The following PTGFR variants were observed in gnomAD, a reference collection of about 807,000 sequenced individuals.
The protein encoded by PTGFR is prostaglandin F receptor.
In PTGFR, 15 loss-of-function variants were observed where a neutral mutation model predicts 26.2. The ratio of observed to expected loss-of-function variants is 0.57; its 90% confidence interval spans 0.38 to 0.88. The LOEUF (loss-of-function observed/expected upper bound fraction) is 0.88. Among genes scored for constraint, PTGFR ranks in the 40% least tolerant of loss-of-function variants. The pLI, the probability that PTGFR is intolerant of heterozygous loss-of-function variation, is 0.00. For missense variants in PTGFR, 369 were observed against 427.2 expected, an observed-to-expected ratio of 0.86 and a Z score of 1.20; for synonymous variants, 165 against 151.1, an observed-to-expected ratio of 1.09 and a Z score of -0.68.
At chr1:78,505,825 G>A (rs1649816838) in intron 2 of PTGFR, among the ~76,000 whole-genome samples, 1 of 151,486 alleles carries the variant, frequency 6.6e-6, no homozygotes, top group African/African-American at 2.4e-5. Flanking sequence ...TTAGCATAAG[G>A]TTTTCAAGGT....
chr1:78,533,479 A>G (rs1325151090), intron 2 of PTGFR, among the ~76,000 whole-genome samples: 5 of 152,164 alleles, frequency 3.3e-5, no homozygotes, highest in Non-Finnish European at 5.9e-5. Flanking sequence ...CTCTGTGTGC[A>G]TAATAAATGG....
Position 78,537,785 on chromosome 1 carries a change from A to G in PTGFR, c.*1098A>G, listed in dbSNP as rs1168064510. The G allele has an allele frequency of 6.6e-6, 1 of 152,134 alleles. No homozygotes were observed. Among genetic ancestry groups the G allele is most frequent in the Non-Finnish European group, 1.5e-5 (1 of 68,008 alleles). The allele number at this position is 152,134 out of a possible 1,614,324, so 9.4% of individuals were successfully genotyped here. A position where few individuals can be genotyped will look rare whatever the true frequency, so the allele number is the denominator to read the frequency against. Reference sequence around the variant, plus strand: ...AGAGGGGAAGACTGGCAATTTGCCAAGCACTTGGGGATTATTATAACAATT... The same window carrying G: ...AGAGGGGAAGACTGGCAATTTGCCAGGCACTTGGGGATTATTATAACAATT... On this transcript the variant is annotated 3_prime_UTR_variant, in exon 3 of 3. Transcript: ENST00000370757.
In PTGFR at chr1:78,538,583, T is replaced by G. The variant is rs1407961572; in HGVS notation, c.*1896T>G. On this transcript the variant is annotated 3_prime_UTR_variant, in exon 3 of 3. Transcript: ENST00000370757. ...CATTGTTTTAAGTTTTTCTTCTGAG[T>G]AAAACAAAATTATAGAAAACAAATG... 6.6e-6 allele frequency: 1 copy of G among 151,308 alleles called. No individual in the cohort carries two copies. The highest frequency in any genetic ancestry group is 1.5e-5 in the Non-Finnish European group (1 of 67,798). 9.4% of individuals were successfully genotyped at this position (151,308 alleles called of 1,614,324 possible).
rs980375110 is a variant in PTGFR, at chr1:78,517,060, G to T, written c.799-19346G>T. Among the ~76,000 whole-genome samples the T allele has an allele frequency of 5.3e-5, 8 of 152,246 alleles. 1 individual carries two copies. In the East Asian group the frequency reaches 1.5e-3, roughly 29 times the overall value. On this transcript the variant is annotated intron_variant, in intron 2 of 2. Transcript: ENST00000370757. Reference sequence around the variant, plus strand: ...TACCTAGGCATATTTGCAGCTGCAGGATACCATAGTTCTTGATTTTTAAAG... The same window carrying T: ...TACCTAGGCATATTTGCAGCTGCAGTATACCATAGTTCTTGATTTTTAAAG...
chr1:78,528,816 G>A (rs1451871704), intron 2 of PTGFR, among the ~76,000 whole-genome samples: 2 of 151,972 alleles, frequency 1.3e-5, no homozygotes, highest in African/African-American at 2.4e-5. Flanking sequence ...TCCAGGCACA[G>A]TAAGCAACAC....
intron 2 of PTGFR, among the ~76,000 whole-genome samples, chr1:78,530,954 G>C (rs904742745): frequency 1.3e-5 from 2 of 152,102 alleles, no homozygotes; most frequent in Non-Finnish European, 2.9e-5. Context: ...GGGGTTTTAG[G>C]AGGATGAATT....
chr1:78,495,596 G>A (rs1197367809), intron 2 of PTGFR, among the ~76,000 whole-genome samples: 2 of 152,202 alleles, frequency 1.3e-5, no homozygotes, highest in East Asian at 3.8e-4. Context: ...ATAAATGAGA[G>A]ACATAATCCG....
rs1460091809 is a variant in PTGFR, at chr1:78,492,830, C to T, written c.87C>T (p.Ser29=). ...NTTCQTENRL[S]VFFSVIFMTV... ...CCTGCCAGACGGAAAACCGGCTTTC[C>T]GTATTTTTTTCAGTAATCTTCATGA... Residue 29 remains serine, a synonymous_variant, in exon 2 of 3, where the codon TCC becomes TCT. Coordinates refer to ENST00000370757, the MANE Select transcript of PTGFR (RefSeq NM_000959.4). The T allele has an allele frequency of 1.9e-6, 3 of 1,614,202 alleles. No individual in the cohort carries two copies. The highest frequency in any genetic ancestry group is 1.6e-4 in the Middle Eastern group (1 of 6,062).
In PTGFR at chr1:78,493,638, C is replaced by A. The variant is rs529636755; in HGVS notation, c.798+97C>A. 12 of 1,211,896 alleles carry A rather than the reference C, an allele frequency of 9.9e-6. 1 individual carries two copies. The highest frequency in any genetic ancestry group is 9.0e-5 in the South Asian group (5 of 55,750). 75.1% of individuals were successfully genotyped at this position (1,211,896 alleles called of 1,614,324 possible). ...CAGTCTTTTAAATGCTGAGAATGAT[C>A]CCTACTCAAAATTTATTTCAGCACT... On this transcript the variant is annotated intron_variant, in intron 2 of 2. Transcript: ENST00000370757.
At chr1:78,524,672 T>G (rs1034633951) in intron 2 of PTGFR, among the ~76,000 whole-genome samples, 1 of 151,982 alleles carries the variant, frequency 6.6e-6, no homozygotes, top group African/African-American at 2.4e-5. Context: ...ATGTTACAGA[T>G]CTTATGCAGT....
Position 78,496,060 on chromosome 1 carries a change from G to T in PTGFR, c.798+2519G>T, listed in dbSNP as rs78172851. Among the ~76,000 whole-genome samples the T allele has an allele frequency of 5.8e-3, 878 of 152,170 alleles. 9 individuals carry two copies. Among genetic ancestry groups the T allele is most frequent in the African/African-American group, 0.02 (828 of 41,526 alleles). ...TTTTGAGTTGTTTTAAGCATTCTTT[G>T]CATTCCTGGCTTCTTTTATGGAGAG... On this transcript the variant is annotated intron_variant, in intron 2 of 2. Coordinates refer to ENST00000370757, the MANE Select transcript of PTGFR (RefSeq NM_000959.4).
intron 2 of PTGFR, among the ~76,000 whole-genome samples, chr1:78,525,479 C>T (rs1650348487): frequency 6.6e-6 from 1 of 152,058 alleles, no homozygotes; most frequent in South Asian, 2.1e-4. Flanking sequence ...AAACACTGAG[C>T]TTCCATGTCC....
chr1:78,512,503 CT>C (rs1332410925), intron 2 of PTGFR, among the ~76,000 whole-genome samples: 1 of 151,994 alleles, frequency 6.6e-6, no homozygotes, highest in Non-Finnish European at 1.5e-5. Context: ...AGATGCTACA[CT>C]TTTTAAAAGA....
intron 2 of PTGFR, among the ~76,000 whole-genome samples, chr1:78,518,046 G>T (rs761363235): frequency 7.9e-5 from 12 of 152,096 alleles, no homozygotes; most frequent in Non-Finnish European, 1.8e-4. Context: ...ATTGATAGGT[G>T]CAGCAAACCA....
In PTGFR at chr1:78,506,937, T is replaced by C. The variant is rs532998039; in HGVS notation, c.798+13396T>C. 2.0e-4 allele frequency among the ~76,000 whole-genome samples: 30 copies of C among 152,280 alleles called. No individual in the cohort carries two copies. In the East Asian group the frequency reaches 5.4e-3, roughly 27 times the overall value. Reference sequence around the variant, plus strand: ...TTCTATTGTATTCCTCTGAAGAGTGTTAATATTTCTGTTTTAACAGGAAAT... The same window carrying C: ...TTCTATTGTATTCCTCTGAAGAGTGCTAATATTTCTGTTTTAACAGGAAAT... On this transcript the variant is annotated intron_variant, in intron 2 of 2. Transcript: ENST00000370757.
chr1:78,533,360 C>T (rs1050209898), intron 2 of PTGFR, among the ~76,000 whole-genome samples: 3 of 152,112 alleles, frequency 2.0e-5, no homozygotes, highest in African/African-American at 7.2e-5. Flanking sequence ...TACTTAATAA[C>T]ATCCCTAAGT....
In PTGFR at chr1:78,493,069, G is replaced by A. The variant is rs1649453139; in HGVS notation, c.326G>A (p.Ser109Asn). 1 of 1,614,090 alleles carries A rather than the reference G, an allele frequency of 6.2e-7. No homozygotes were observed. Among genetic ancestry groups the A allele is most frequent in the South Asian group, 1.1e-5 (1 of 91,088 alleles). The change falls in exon 2 of 3, where the codon AGT (serine) becomes AAT (asparagine). Residue 109 changes from serine (S) to asparagine (N), a missense_variant. Coordinates refer to ENST00000370757, the MANE Select transcript of PTGFR (RefSeq NM_000959.4). ...IRFDQSNVLC[S>N]IFGICMVFSG... ...TTTGACCAATCAAATGTCCTTTGCA[G>A]TATTTTTGGTATCTGCATGGTGTTT...
At chr1:78,501,825 T>C (rs182447870) in intron 2 of PTGFR, among the ~76,000 whole-genome samples, 2 of 152,292 alleles carry the variant, frequency 1.3e-5, no homozygotes, top group Admixed American at 1.3e-4. Flanking sequence ...TCCGTGATTA[T>C]AATAATCGTA....
At chr1:78,529,220 T>C (rs1650447747) in intron 2 of PTGFR, among the ~76,000 whole-genome samples, 1 of 152,202 alleles carries the variant, frequency 6.6e-6, no homozygotes, top group African/African-American at 2.4e-5. Flanking sequence ...TGGTCTGTTT[T>C]TGCTATTAAA....
Sources: allele counts gnomAD v4.1 joint callset (sites outside exome capture counted in the v4.1 genomes callset), GRCh38; gene constraint gnomAD v4.1.1; transcripts MANE v1.5; gene names NCBI Gene and HGNC (gene_info 2026-07-23, HGNC 2026-07-21).